The following PDE1A variants were observed in gnomAD, a reference collection of about 807,000 sequenced individuals.
PDE1A encodes dual specificity calcium/calmodulin-dependent 3',5'-cyclic nucleotide phosphodiesterase 1A.
Under a neutral mutation model 61.7 loss-of-function variants are expected in PDE1A, and 35 were observed. That is an observed-to-expected ratio of 0.57 (90% CI 0.43 to 0.75). PDE1A has a LOEUF of 0.75. Among genes scored for constraint, PDE1A ranks in the 30% least tolerant of loss-of-function variants. The probability of loss-of-function intolerance (pLI) is 0.00; values close to 1 mark genes in which losing one functional copy is unlikely to be tolerated. For synonymous variants in PDE1A, 232 were observed against 213.2 expected (o/e 1.09, Z -0.77); for missense variants, 597 against 630.6 (o/e 0.95, Z 0.57).
At chr2:182,140,190 A>C (rs1448287908) in exon 15 of PDE1A, 1 of 152,220 alleles carries the variant, frequency 6.6e-6, no homozygotes, top group Non-Finnish European at 1.5e-5. Context: ...GTGGCATTCT[A>C]GTTATTAGGT....
At chr2:182,166,240 A>G (rs1691643803), downstream of PDE1A, among the ~76,000 whole-genome samples, 1 of 152,046 alleles carries the variant, frequency 6.6e-6, no homozygotes, top group Admixed American at 6.6e-5. Flanking sequence ...GAGAAGATTA[A>G]CCCATGAGTC....
intron 1 of PDE1A, among the ~76,000 whole-genome samples, chr2:182,306,477 C>CACAA (rs1695591703): frequency 6.9e-6 from 1 of 145,922 alleles, no homozygotes; most frequent in Admixed American, 6.8e-5. Flanking sequence ...CATATGGAAC[C>CACAA]ACACACACAC....
the PDE1A span, among the ~76,000 whole-genome samples, chr2:182,609,435 T>C: frequency 6.6e-6 from 1 of 152,250 alleles, no homozygotes; most frequent in Non-Finnish European, 1.5e-5. Flanking sequence ...GCAATAAATC[T>C]TGCTGTTGCT....
Position 182,240,432 on chromosome 2 carries a change from GA to G in PDE1A, c.168-141del, listed in dbSNP as rs955064173. 16 of 490,586 alleles carry G rather than the reference GA, an allele frequency of 3.3e-5. No individual in the cohort carries two copies. The Admixed American group carries it at 3.3e-4, about 10-fold the overall frequency. The allele number at this position is 490,586 out of a possible 1,614,324, so 30.4% of individuals were successfully genotyped here. A position where few individuals can be genotyped will look rare whatever the true frequency, so the allele number is the denominator to read the frequency against. On this transcript the variant is annotated intron_variant, in intron 2 of 13. Transcript: ENST00000351439. ...CCTTAATATGTACTCTCTAAAGAAA[GA>G]AAAAAAATTCATTAACATTTGGAAA...
the PDE1A span, among the ~76,000 whole-genome samples, chr2:182,694,260 CT>C: frequency 6.6e-6 from 1 of 152,156 alleles, no homozygotes; most frequent in Non-Finnish European, 1.5e-5. Context: ...GTTTTGGCTT[CT>C]TTGTTGAAAA....
chr2:182,601,501 G>A, the PDE1A span, among the ~76,000 whole-genome samples: 1 of 152,218 alleles, frequency 6.6e-6, no homozygotes, highest in Admixed American at 6.5e-5. Flanking sequence ...TTTCTGTCCT[G>A]TGTCTGTTAC....
intron 1 of PDE1A, among the ~76,000 whole-genome samples, chr2:182,317,274 A>G (rs1388926584): frequency 6.6e-6 from 1 of 150,542 alleles, no homozygotes; most frequent in Non-Finnish European, 1.5e-5. Flanking sequence ...TTTTGAGGAT[A>G]AGAGTACTAT....
intron 2 of PDE1A, among the ~76,000 whole-genome samples, chr2:182,520,491 T>C (rs916570588): frequency 6.6e-6 from 1 of 151,982 alleles, no homozygotes; most frequent in African/African-American, 2.4e-5. Flanking sequence ...TATATCCTTC[T>C]ATCAATTCAT....
chr2:182,404,277 C>A (rs1293008397), intron 1 of PDE1A, among the ~76,000 whole-genome samples: 2 of 152,102 alleles, frequency 1.3e-5, no homozygotes, highest in East Asian at 3.9e-4. Flanking sequence ...GGATGAAATT[C>A]TTTATATTCC....
intron 2 of PDE1A, among the ~76,000 whole-genome samples, chr2:182,513,048 T>G (rs1314711144): frequency 2.6e-5 from 4 of 152,060 alleles, no homozygotes; most frequent in Non-Finnish European, 1.5e-5. Context: ...CTCACAAAAT[T>G]TTTCCCAACC....
intron 5 of PDE1A, 108 bp from the exon 6 acceptor site, chr2:182,230,254 GTTTC>G: frequency 1.4e-6 from 1 of 729,506 alleles, no homozygotes; most frequent in South Asian, 2.2e-5. Flanking sequence ...GTGGACAGTA[GTTTC>G]TTTATGTCAA....
the PDE1A span, among the ~76,000 whole-genome samples, chr2:182,559,614 A>G: frequency 5.9e-5 from 9 of 152,198 alleles, no homozygotes; most frequent in Non-Finnish European, 1.2e-4. Context: ...TGGCCCAGCA[A>G]TTCTCTCCTA....
At chr2:182,638,378 TA>T in the PDE1A span, among the ~76,000 whole-genome samples, 3 of 151,654 alleles carry the variant, frequency 2.0e-5, no homozygotes, top group Non-Finnish European at 4.4e-5. Context: ...CTACTAAAAA[TA>T]ACAAAAATTA....
At chr2:182,469,617 A>G (rs1686897777) in intron 2 of PDE1A, among the ~76,000 whole-genome samples, 1 of 151,888 alleles carries the variant, frequency 6.6e-6, no homozygotes, top group Non-Finnish European at 1.5e-5. Context: ...ATTTTCATCA[A>G]TACTTTTCCT....
intron 2 of PDE1A, among the ~76,000 whole-genome samples, chr2:182,497,174 C>G (rs900576033): frequency 5.3e-5 from 8 of 152,074 alleles, no homozygotes; most frequent in African/African-American, 1.9e-4. Context: ...ACTAACATGA[C>G]AGTAAAAACA....
chr2:182,212,589 C>G (rs1424744172), intron 7 of PDE1A, among the ~76,000 whole-genome samples: 2 of 152,176 alleles, frequency 1.3e-5, no homozygotes, highest in African/African-American at 4.8e-5. Context: ...CAGGGCGAGG[C>G]ATTGCCTCAC....
In PDE1A at chr2:182,516,694, G is replaced by A. The variant is rs896050035; in HGVS notation, c.101+5582C>T. Among the ~76,000 whole-genome samples the A allele has an allele frequency of 8.3e-3, 422 of 50,980 alleles. 2 individuals carry two copies. The highest frequency in any genetic ancestry group is 0.03 in the African/African-American group (394 of 13,228). 33.4% of individuals were successfully genotyped at this position (50,980 alleles called of 152,430 possible). On this transcript the variant is annotated intron_variant, in intron 2 of 14. Transcript: ENST00000410103. ...AAGGGAAGGAGGGAAGGAGGGAAGG[G>A]AGGAAGGGAGGAAGGAAGGAAGGAA...
At chr2:182,372,085 C>T (rs1181038709) in intron 1 of PDE1A, among the ~76,000 whole-genome samples, 2 of 152,214 alleles carry the variant, frequency 1.3e-5, no homozygotes, top group Non-Finnish European at 2.9e-5. Context: ...CCATGCCTGG[C>T]CAACTCTGAT....
the PDE1A span, among the ~76,000 whole-genome samples, chr2:182,603,849 A>C: frequency 6.6e-6 from 1 of 152,204 alleles, no homozygotes; most frequent in Non-Finnish European, 1.5e-5. Flanking sequence ...AATATTAATA[A>C]ATAATTTTAA....
Sources: allele counts gnomAD v4.1 joint callset (sites outside exome capture counted in the v4.1 genomes callset), GRCh38; gene constraint gnomAD v4.1.1; transcripts MANE v1.5; gene names NCBI Gene and HGNC (gene_info 2026-07-23, HGNC 2026-07-21).